The following RSRC1 variants were observed in gnomAD, a reference collection of about 807,000 sequenced individuals.
RSRC1 encodes arginine and serine rich coiled-coil 1.
In RSRC1, 39 loss-of-function variants were observed where a neutral mutation model predicts 49.1. The observed-to-expected ratio is 0.79, with a 90% CI of 0.61 to 1.04. The LOEUF (loss-of-function observed/expected upper bound fraction) is 1.04. Among genes scored for constraint, RSRC1 ranks in the 50% least tolerant of loss-of-function variants. RSRC1 has a pLI of 0.00. For missense variants in RSRC1, 388 were observed against 402.4 expected (o/e 0.96, Z 0.31); for synonymous variants, 143 against 130.8 (o/e 1.09, Z -0.63).
In RSRC1 at chr3:158,422,240, A is replaced by C. The variant is rs570965809; in HGVS notation, c.584-38695A>C. ...TCCCTCCCCCCTCCCCCCACCCCAC[A>C]ACAGTCACCAGAGTGTGATGTTCCC... On this transcript the variant is annotated intron_variant, in intron 6 of 9. Coordinates refer to ENST00000611884, the MANE Select transcript of RSRC1 (RefSeq NM_001271838.2). Among the ~76,000 whole-genome samples the C allele has an allele frequency of 2.8e-3, 288 of 101,202 alleles. 1 individual carries two copies. Among genetic ancestry groups the C allele is most frequent in the Non-Finnish European group, 4.7e-3 (249 of 53,386 alleles). The allele number at this position is 101,202 out of a possible 152,430, so 66.4% of individuals were successfully genotyped here.
At chr3:158,134,443 C>G (rs1716232582) in intron 3 of RSRC1, among the ~76,000 whole-genome samples, 1 of 152,038 alleles carries the variant, frequency 6.6e-6, no homozygotes, top group African/African-American at 2.4e-5. Flanking sequence ...TAGTATTTTA[C>G]TATCAGTTGG....
rs1578157917 is a variant in RSRC1, at chr3:158,169,764, A to G, written c.321-33308A>G. Among the ~76,000 whole-genome samples, 3 of 152,210 alleles carry G rather than the reference A, an allele frequency of 2.0e-5. No individual in the cohort carries two copies. In the Middle Eastern group the frequency reaches 0.01, roughly 518 times the overall value. ...TTTTTTATTAAGATCCTCAGTTTCT[A>G]TAAGAGGGTACTTCTAACCCTCTCT... On this transcript the variant is annotated intron_variant, in intron 3 of 9. Transcript: ENST00000611884.
intron 3 of RSRC1, among the ~76,000 whole-genome samples, chr3:158,201,758 A>G (rs1721060383): frequency 6.6e-6 from 1 of 152,168 alleles, no homozygotes; most frequent in Non-Finnish European, 1.5e-5. Flanking sequence ...GCCTAGTTAC[A>G]CTTAATGCTT....
At chr3:158,329,206 T>G (rs1729386065) in intron 5 of RSRC1, among the ~76,000 whole-genome samples, 1 of 152,206 alleles carries the variant, frequency 6.6e-6, no homozygotes, top group Non-Finnish European at 1.5e-5. Context: ...CTCTGAGAAG[T>G]TTGATCGTCT....
chr3:158,149,896 C>T (rs1717419605), intron 3 of RSRC1, among the ~76,000 whole-genome samples: 1 of 151,502 alleles, frequency 6.6e-6, no homozygotes, highest in Non-Finnish European at 1.5e-5. Context: ...CCCTGTAACA[C>T]AATTTTGTTT....
At chr3:158,249,923 A>G (rs111649361) in intron 4 of RSRC1, among the ~76,000 whole-genome samples, 5 of 152,178 alleles carry the variant, frequency 3.3e-5, no homozygotes, top group African/African-American at 1.2e-4. Context: ...CATTCTATCT[A>G]TATTTCTGTA....
At chr3:158,347,587 T>C (rs1479973231) in intron 5 of RSRC1, among the ~76,000 whole-genome samples, 1 of 152,186 alleles carries the variant, frequency 6.6e-6, no homozygotes, top group Admixed American at 6.6e-5. Context: ...TTACTCTGTC[T>C]GGAGGCAGGA....
chr3:158,265,499 C>T (rs775847932), intron 4 of RSRC1, among the ~76,000 whole-genome samples: 2 of 151,958 alleles, frequency 1.3e-5, no homozygotes, highest in Admixed American at 6.6e-5. Context: ...GGCGTGGTAA[C>T]GGACACCTGT....
intron 3 of RSRC1, among the ~76,000 whole-genome samples, chr3:158,183,945 G>T (rs16828720): frequency 1.3e-5 from 2 of 152,048 alleles, no homozygotes; most frequent in African/African-American, 4.8e-5. Context: ...TCTTATTGTT[G>T]ATAAAAATCC....
At chr3:158,283,332 A>G (rs1726289209) in intron 4 of RSRC1, among the ~76,000 whole-genome samples, 2 of 151,282 alleles carry the variant, frequency 1.3e-5, no homozygotes, top group Non-Finnish European at 3.0e-5. Context: ...ATTTTTTTTC[A>G]TGGAAGACAC....
intron 6 of RSRC1, among the ~76,000 whole-genome samples, chr3:158,378,344 G>T (rs562501060): frequency 6.6e-6 from 1 of 152,060 alleles, no homozygotes; most frequent in Non-Finnish European, 1.5e-5. Flanking sequence ...TCTCAAGGTT[G>T]GTTGCTGTTG....
At chr3:158,457,358 T>G (rs994290375) in intron 6 of RSRC1, among the ~76,000 whole-genome samples, 8 of 152,190 alleles carry the variant, frequency 5.3e-5, no homozygotes, top group African/African-American at 1.9e-4. Flanking sequence ...GCAGAGGTTT[T>G]CAATCTGAGA....
chr3:158,320,617 TC>T (rs1266203311), intron 5 of RSRC1, among the ~76,000 whole-genome samples: 1 of 152,154 alleles, frequency 6.6e-6, no homozygotes, highest in East Asian at 1.9e-4. Context: ...ACCTGGCTGA[TC>T]ATCAGGACCA....
intron 4 of RSRC1, among the ~76,000 whole-genome samples, chr3:158,277,180 T>A (rs1345656279): frequency 1.3e-5 from 2 of 152,202 alleles, no homozygotes; most frequent in East Asian, 3.8e-4. Context: ...TGCATGAATT[T>A]AAAAAATGGA....
intron 4 of RSRC1, among the ~76,000 whole-genome samples, chr3:158,226,330 G>T (rs545188232): frequency 6.6e-6 from 1 of 152,004 alleles, no homozygotes; most frequent in South Asian, 2.1e-4. Context: ...ACCTAATAGG[G>T]AGCTAGCTAG....
In RSRC1 at chr3:158,409,983, G is replaced by A. The variant is rs79618484; in HGVS notation, c.584-50952G>A. On this transcript the variant is annotated intron_variant, in intron 6 of 9. Coordinates refer to ENST00000611884, the MANE Select transcript of RSRC1 (RefSeq NM_001271838.2). The stretch of plus-strand genomic sequence containing the variant: ...CAATTGTCATTTGATATAAGTGATA[G>A]CATTTAGAACACAATTCTAGGAAAC... Among the ~76,000 whole-genome samples, 568 of 151,916 alleles carry A rather than the reference G, an allele frequency of 3.7e-3. 5 individuals carry two copies. Among genetic ancestry groups the A allele is most frequent in the African/African-American group, 0.013 (534 of 41,438 alleles).
At chr3:158,298,767 C>T (rs142496714) in intron 5 of RSRC1, among the ~76,000 whole-genome samples, 212 of 152,272 alleles carry the variant, frequency 1.4e-3, no homozygotes, top group African/African-American at 4.9e-3. Flanking sequence ...GAGTCATCCT[C>T]TGGTTTCTGG....
At position 158,198,821 on chromosome 3, in the gene RSRC1, A is replaced by G. The variant is rs189214595; in HGVS notation, c.321-4251A>G. 3.5e-3 allele frequency among the ~76,000 whole-genome samples: 536 copies of G among 152,216 alleles called. 2 individuals carry two copies. The highest frequency in any genetic ancestry group is 0.012 in the African/African-American group (498 of 41,536). On this transcript the variant is annotated intron_variant, in intron 3 of 9. Transcript: ENST00000611884. ...ATCTTGGCTCCACCCCCCGCAAGAA[A>G]TTTCTTAATATCACATTGAGAAAGT... is the stretch of plus-strand genomic sequence containing the variant.
At chr3:158,383,703 T>A (rs6782688) in intron 6 of RSRC1, among the ~76,000 whole-genome samples, 1 of 152,170 alleles carries the variant, frequency 6.6e-6, no homozygotes, top group African/African-American at 2.4e-5. Context: ...TTTCTCACAG[T>A]ATTTTGATTT....
Sources: gnomAD v4.1 joint callset for allele counts (sites outside exome capture counted in the v4.1 genomes callset) on GRCh38, gnomAD v4.1.1 for gene constraint, MANE v1.5 for transcripts, NCBI Gene and HGNC (gene_info 2026-07-23, HGNC 2026-07-21) for gene names.